Variants in AIG1 observed in about 807,000 individuals in gnomAD.
AIG1 encodes androgen-induced gene 1 protein.
AIG1 carries 23 observed loss-of-function variants against 31.4 expected under a neutral mutation model. That is an observed-to-expected ratio of 0.73 (90% CI 0.53 to 1.04). The LOEUF is 1.04. Among genes scored for constraint, AIG1 ranks in the 50% least tolerant of loss-of-function variants. AIG1 has a pLI of 0.00. For missense variants in AIG1, 274 were observed against 295.0 expected (o/e 0.93, Z 0.52); for synonymous variants, 100 against 110.5 (o/e 0.90, Z 0.60).
rs1562609159 is a variant in AIG1, at chr6:143,340,098, T to TC, written c.*423dup. On this transcript the variant is annotated 3_prime_UTR_variant, in exon 6 of 6. Coordinates refer to ENST00000357847, the MANE Select transcript of AIG1 (RefSeq NM_016108.4). ...TATTTAATCCTAAAGGTGGCTGTAA[T>TC]CATGAACCTAGGCCACCATGGGGAC... is the stretch of plus-strand genomic sequence containing the variant. The TC allele has an allele frequency of 6.5e-6, 1 of 153,746 alleles. No individual in the cohort carries two copies. The highest frequency in any genetic ancestry group is 1.4e-5 in the Non-Finnish European group (1 of 69,228). 9.5% of individuals were successfully genotyped at this position (153,746 alleles called of 1,614,324 possible). A position where few individuals can be genotyped will look rare whatever the true frequency, so the allele number is the denominator to read the frequency against.
At chr6:143,194,199 A>G (rs1790029502) in intron 3 of AIG1, among the ~76,000 whole-genome samples, 1 of 152,202 alleles carries the variant, frequency 6.6e-6, no homozygotes, top group South Asian at 2.1e-4. Flanking sequence ...GTCTCAGGAA[A>G]CTTACAATCA....
intron 3 of AIG1, among the ~76,000 whole-genome samples, chr6:143,208,400 A>G (rs1791296834): frequency 6.6e-6 from 1 of 152,162 alleles, no homozygotes; most frequent in African/African-American, 2.4e-5. Flanking sequence ...TGCATGGAGA[A>G]CACAGCCATG....
rs190734059 is a variant in AIG1 at position 143,078,998 on chromosome 6, A to G, written c.141+17932A>G. Among the ~76,000 whole-genome samples the G allele has an allele frequency of 9.8e-5, 15 of 152,348 alleles. No homozygotes were observed. In the East Asian group the frequency reaches 2.9e-3, roughly 29 times the overall value. ...CCCTTTTTATGGTTTCTGCAGCCAG[A>G]AAGAGTCTTCTCAAAATTTTAGCCT... On this transcript the variant is annotated intron_variant, in intron 1 of 5. Transcript: ENST00000357847.
At chr6:143,266,874 A>C (rs1172182861) in intron 3 of AIG1, among the ~76,000 whole-genome samples, 2 of 152,182 alleles carry the variant, frequency 1.3e-5, no homozygotes, top group Non-Finnish European at 2.9e-5. Flanking sequence ...CCAGGATTTC[A>C]AGGCTGCTGT....
At chr6:143,313,276 C>T (rs1200399946) in intron 4 of AIG1, among the ~76,000 whole-genome samples, 1 of 152,054 alleles carries the variant, frequency 6.6e-6, no homozygotes, top group Non-Finnish European at 1.5e-5. Context: ...ACACTATTCA[C>T]AATAGCCAAG....
At chr6:143,144,164 A>G (rs1486970771) in intron 2 of AIG1, among the ~76,000 whole-genome samples, 1 of 152,240 alleles carries the variant, frequency 6.6e-6, no homozygotes, top group Non-Finnish European at 1.5e-5. Context: ...CACAATAGTC[A>G]CACATTAACA....
chr6:143,309,489 TTAAGAATCAGAAGTATTG>T (rs927041959), intron 4 of AIG1, among the ~76,000 whole-genome samples: 85 of 151,788 alleles, frequency 5.6e-4, no homozygotes, highest in African/African-American at 2.0e-3. Flanking sequence ...AGAAATACTT[TTAAGAATCAGAAGTATTG>T]TAAGAGAGAA....
At chr6:143,137,785 G>A (rs931987962) in intron 2 of AIG1, among the ~76,000 whole-genome samples, 11 of 152,116 alleles carry the variant, frequency 7.2e-5, no homozygotes, top group Non-Finnish European at 1.2e-4. Flanking sequence ...TGTGTAGCCA[G>A]GAGAAGAGAA....
At chr6:143,153,393 G>A (rs1785430073) in intron 2 of AIG1, among the ~76,000 whole-genome samples, 1 of 152,086 alleles carries the variant, frequency 6.6e-6, no homozygotes, top group Non-Finnish European at 1.5e-5. Context: ...TGTCACCCAG[G>A]CTGGAGTGCA....
intron 3 of AIG1, among the ~76,000 whole-genome samples, chr6:143,215,594 T>C (rs1791968331): frequency 6.6e-6 from 1 of 152,116 alleles, no homozygotes; most frequent in South Asian, 2.1e-4. Context: ...AGTGTCTACT[T>C]TTTCTCTTTC....
chr6:143,169,632 A>G (rs1249537839), intron 3 of AIG1, among the ~76,000 whole-genome samples: 1 of 151,924 alleles, frequency 6.6e-6, no homozygotes, highest in Non-Finnish European at 1.5e-5. Flanking sequence ...TCTAATAACC[A>G]CAATTCTACT....
At chr6:143,170,713 G>T (rs1026583438) in intron 3 of AIG1, among the ~76,000 whole-genome samples, 1 of 151,258 alleles carries the variant, frequency 6.6e-6, no homozygotes, top group Admixed American at 6.6e-5. Flanking sequence ...GTTCCTTGAG[G>T]TGCATCTTTA....
At chr6:143,237,630 A>C (rs951790230) in intron 3 of AIG1, among the ~76,000 whole-genome samples, 3 of 152,220 alleles carry the variant, frequency 2.0e-5, no homozygotes, top group African/African-American at 7.2e-5. Context: ...TCAGTAGATA[A>C]CATGTAAGGT....
At chr6:143,159,948 T>C (rs1157831983) in intron 2 of AIG1, among the ~76,000 whole-genome samples, 1 of 152,222 alleles carries the variant, frequency 6.6e-6, no homozygotes, top group Non-Finnish European at 1.5e-5. Flanking sequence ...GGAAAGTAAG[T>C]TATGAAAAAG....
chr6:143,079,143 A>G (rs1192500613), intron 1 of AIG1, among the ~76,000 whole-genome samples: 1 of 152,188 alleles, frequency 6.6e-6, no homozygotes, highest in African/African-American at 2.4e-5. Flanking sequence ...TCCACTATTT[A>G]CACAGCAGGA....
intron 3 of AIG1, among the ~76,000 whole-genome samples, chr6:143,255,661 G>C (rs776659955): frequency 5.3e-5 from 8 of 152,182 alleles, no homozygotes; most frequent in Non-Finnish European, 7.4e-5. Context: ...TCCATGGGTG[G>C]ATTGGAGGTC....
At chr6:143,270,837 T>TTG (rs376187797) in intron 3 of AIG1, among the ~76,000 whole-genome samples, 1 of 152,016 alleles carries the variant, frequency 6.6e-6, no homozygotes, top group Admixed American at 6.6e-5. Context: ...GTATGTGTGC[T>TTG]TGTGTGTGTG....
chr6:143,064,440 A>C (rs1253610782), intron 1 of AIG1, among the ~76,000 whole-genome samples: 2 of 152,206 alleles, frequency 1.3e-5, no homozygotes, highest in Non-Finnish European at 2.9e-5. Flanking sequence ...TTTTCCTCCT[A>C]GAGTTTCCAG....
At chr6:143,232,382 A>T (rs1213930364) in intron 3 of AIG1, among the ~76,000 whole-genome samples, 6 of 152,198 alleles carry the variant, frequency 3.9e-5, no homozygotes, top group Non-Finnish European at 8.8e-5. Flanking sequence ...GGAGCAGCCC[A>T]TGAAGTGCGG....
Sources: gnomAD v4.1 joint callset for allele counts (sites outside exome capture counted in the v4.1 genomes callset) on GRCh38, gnomAD v4.1.1 for gene constraint, MANE v1.5 for transcripts, NCBI Gene and HGNC (gene_info 2026-07-23, HGNC 2026-07-21) for gene names.